The following FGF13 variants were observed in gnomAD, a reference collection of about 807,000 sequenced individuals.
The protein encoded by FGF13 is fibroblast growth factor 13.
A neutral mutation model predicts 19.5 loss-of-function variants in FGF13; 2 were observed. That is an observed-to-expected ratio of 0.10 (90% confidence interval 0.04 to 0.32). The LOEUF (loss-of-function observed/expected upper bound fraction) is 0.32. Ranked by LOEUF, FGF13 falls within the 10% of genes least tolerant of loss-of-function variation. The probability of loss-of-function intolerance (pLI) is 1.00; values close to 1 mark genes in which losing one functional copy is unlikely to be tolerated. For missense variants in FGF13, 113 were observed against 192.7 expected (o/e 0.59, Z 2.45); for synonymous variants, 72 against 76.9 (o/e 0.94, Z 0.33).
intron 1 of FGF13, among the ~76,000 whole-genome samples, chrX:138,879,589 A>G (rs368636789): frequency 9.3e-4 from 104 of 111,564 alleles, no homozygotes; most frequent in African/African-American, 3.2e-3. Context: ...TACACGTGCC[A>G]TGGTGGTTTG....
At chrX:138,744,520 G>A (rs1321621634) in intron 3 of FGF13, among the ~76,000 whole-genome samples, 2 of 111,452 alleles carry the variant, frequency 1.8e-5, no homozygotes, top group African/African-American at 6.5e-5. Flanking sequence ...AGCAGTCAAT[G>A]GAAGTTAGTC....
chrX:139,069,747 T>C (rs1486387943), intron 1 of FGF13, among the ~76,000 whole-genome samples: 4 of 112,141 alleles, frequency 3.6e-5, no homozygotes, highest in Non-Finnish European at 7.5e-5. Context: ...AAGGCTACAG[T>C]AACCAAAACA....
chrX:138,981,318 T>TACACACACACAC (rs57954256), intron 1 of FGF13, among the ~76,000 whole-genome samples: 43 of 97,016 alleles, frequency 4.4e-4, no homozygotes, highest in African/African-American at 1.3e-3. Context: ...ATTGTGTGCT[T>TACACACACACAC]ACACACACAC....
chrX:138,908,827 A>G (rs185675477), intron 1 of FGF13, among the ~76,000 whole-genome samples: 1 of 111,833 alleles, frequency 8.9e-6, no homozygotes, highest in African/African-American at 3.3e-5. Context: ...CTTTGTTGCC[A>G]AAGGGTGGGA....
At chrX:138,718,408 T>TA (rs2090124576) in intron 1 of FGF13, among the ~76,000 whole-genome samples, 1 of 111,499 alleles carries the variant, frequency 9.0e-6, no homozygotes, top group Non-Finnish European at 1.9e-5. Context: ...ATTCAGGAAA[T>TA]AAAGTTACTG....
At chrX:139,077,616 A>G (rs1430143237) in intron 1 of FGF13, among the ~76,000 whole-genome samples, 2 of 111,552 alleles carry the variant, frequency 1.8e-5, no homozygotes, top group Non-Finnish European at 3.8e-5. Context: ...CCAGCCCCTG[A>G]ACACAGACTT....
intron 3 of FGF13, among the ~76,000 whole-genome samples, chrX:138,817,942 T>C (rs1203272849): frequency 1.8e-5 from 2 of 111,973 alleles, no homozygotes; most frequent in African/African-American, 3.2e-5. Flanking sequence ...TGAATAAGTA[T>C]GGATGCGTTC....
chrX:138,873,685 G>C (rs1294941272), intron 1 of FGF13, among the ~76,000 whole-genome samples: 1 of 110,620 alleles, frequency 9.0e-6, no homozygotes, highest in East Asian at 2.8e-4. Context: ...TGGTCATTTG[G>C]GGAGTGTTTA....
chrX:138,650,982 T>C (rs1293238504), intron 3 of FGF13, among the ~76,000 whole-genome samples: 1 of 111,829 alleles, frequency 8.9e-6, no homozygotes. Context: ...ACTGAAGTTA[T>C]ACTCTATGCA....
chrX:138,713,579 A>T (rs1232794402), upstream of FGF13, among the ~76,000 whole-genome samples: 1 of 111,816 alleles, frequency 8.9e-6, no homozygotes, highest in Non-Finnish European at 1.9e-5. Flanking sequence ...AGAAGGATGA[A>T]GTTCTGATTC....
intron 1 of FGF13, among the ~76,000 whole-genome samples, chrX:138,865,529 G>T (rs1304080263): frequency 1.1e-5 from 1 of 90,168 alleles, no homozygotes; most frequent in Non-Finnish European, 2.2e-5. Flanking sequence ...CCTGAGGGCA[G>T]GCTCTGGCTC....
chrX:139,020,148 A>T (rs2055471850), intron 1 of FGF13, among the ~76,000 whole-genome samples: 2 of 111,443 alleles, frequency 1.8e-5, no homozygotes, highest in African/African-American at 6.5e-5. Context: ...GAAGGACAAA[A>T]AATGATGATC....
intron 3 of FGF13, among the ~76,000 whole-genome samples, chrX:138,746,871 A>C (rs1411377876): frequency 8.9e-6 from 1 of 112,110 alleles, no homozygotes. Flanking sequence ...TGGCCAGGCA[A>C]ATTAGCCTTT....
intron 1 of FGF13, among the ~76,000 whole-genome samples, chrX:139,083,809 T>G (rs1204346890): frequency 9.0e-6 from 1 of 111,027 alleles, no homozygotes; most frequent in East Asian, 2.8e-4. Context: ...AGTCAGAGGT[T>G]GCAGTAAGCC....
At chrX:138,756,889 T>C (rs1437563212) in intron 3 of FGF13, among the ~76,000 whole-genome samples, 2 of 111,720 alleles carry the variant, frequency 1.8e-5, no homozygotes, top group Non-Finnish European at 3.8e-5. Context: ...TCCTTCTTTC[T>C]CTTGATCTAA....
chrX:138,711,661 G>T lies in FGF13; in HGVS notation c.-658C>A. The T allele has an allele frequency of 2.7e-6, 2 of 754,500 alleles. No homozygotes were observed. The highest frequency in any genetic ancestry group is 3.1e-6 in the Non-Finnish European group (2 of 638,946). 62.2% of individuals were successfully genotyped at this position (754,500 alleles called of 1,213,427 possible). On this transcript the variant is annotated 5_prime_UTR_variant, in exon 1 of 5. Transcript: ENST00000315930. Reference sequence around the variant, plus strand: ...TCGCTGTTGCTGCTGCTCTGGGCGCGGCACAGTCGCAGCACAGGAATTCAG... The same window carrying T: ...TCGCTGTTGCTGCTGCTCTGGGCGCTGCACAGTCGCAGCACAGGAATTCAG...
intron 3 of FGF13, among the ~76,000 whole-genome samples, chrX:138,780,810 C>T (rs1320259097): frequency 8.1e-5 from 9 of 110,899 alleles, no homozygotes; most frequent in African/African-American, 2.0e-4. Flanking sequence ...CTGCACCAAG[C>T]GGACCGAATA....
intron 1 of FGF13, among the ~76,000 whole-genome samples, chrX:139,061,077 C>T (rs1569448457): frequency 8.9e-6 from 1 of 111,759 alleles, no homozygotes; most frequent in Non-Finnish European, 1.9e-5. Flanking sequence ...CTTTGTATCA[C>T]ATTAATCTGC....
At chrX:138,790,125 T>A (rs1422253146) in intron 3 of FGF13, among the ~76,000 whole-genome samples, 1 of 100,373 alleles carries the variant, frequency 1.0e-5, no homozygotes, top group Admixed American at 1.1e-4. Flanking sequence ...CCTCCAGGAC[T>A]ATTTTTCACA....
Sources: allele counts gnomAD v4.1 joint callset (sites outside exome capture counted in the v4.1 genomes callset), GRCh38; gene constraint gnomAD v4.1.1; transcripts MANE v1.5; gene names NCBI Gene and HGNC (gene_info 2026-07-23, HGNC 2026-07-21).